TRIM14: variants seen among roughly 807,000 people sequenced by gnomAD.
The protein encoded by TRIM14 is tripartite motif containing 14.
TRIM14 carries 28 observed loss-of-function variants against 44.5 expected under a neutral mutation model. That is an observed-to-expected ratio of 0.63 (90% CI 0.47 to 0.86). TRIM14 has a LOEUF of 0.86. Ranked by LOEUF, TRIM14 falls within the 40% of genes least tolerant of loss-of-function variation. The pLI, the probability that TRIM14 is intolerant of heterozygous loss-of-function variation, is 0.00. For missense variants in TRIM14, 607 were observed against 611.1 expected (o/e 0.99, Z 0.07); for synonymous variants, 299 against 269.2 (o/e 1.11, Z -1.08).
At chr9:98,046,797 C>G in the TRIM14 span, among the ~76,000 whole-genome samples, 1 of 152,044 alleles carries the variant, frequency 6.6e-6, no homozygotes, top group Non-Finnish European at 1.5e-5. Context: ...TTACAAAAGG[C>G]AAATAAAAAG....
At chr9:98,036,415 C>T in the TRIM14 span, among the ~76,000 whole-genome samples, 3 of 147,574 alleles carry the variant, frequency 2.0e-5, no homozygotes, top group Admixed American at 7.1e-5. Flanking sequence ...GCAGGAGAAT[C>T]GCAGGAATCT....
At chr9:98,109,834 G>T (rs1203804178) in intron 2 of TRIM14, 55 bp downstream of exon 2, 1 of 1,464,788 alleles carries the variant, frequency 6.8e-7, no homozygotes, top group Non-Finnish European at 9.5e-7. Context: ...GGTCCCTTTT[G>T]TCTGGGGGGA....
At chr9:98,038,878 G>A in the TRIM14 span, among the ~76,000 whole-genome samples, 4 of 151,798 alleles carry the variant, frequency 2.6e-5, no homozygotes, top group East Asian at 1.9e-4. Flanking sequence ...GTGAAACCCC[G>A]CCTCTACTAA....
intron 1 of TRIM14, among the ~76,000 whole-genome samples, chr9:98,114,622 G>A (rs886225140): frequency 6.6e-6 from 1 of 151,994 alleles, no homozygotes; most frequent in African/African-American, 2.4e-5. Flanking sequence ...GCACCCAGCC[G>A]ACAATTTTTA....
chr9:98,057,922 GTTTTTTTT>G, the TRIM14 span, among the ~76,000 whole-genome samples: 2 of 78,086 alleles, frequency 2.6e-5, no homozygotes, highest in African/African-American at 1.1e-4. Flanking sequence ...TTTTTTCCTG[GTTTTTTTT>G]TTTTTTTTTT....
the TRIM14 span, among the ~76,000 whole-genome samples, chr9:98,045,883 T>C: frequency 6.6e-6 from 1 of 152,164 alleles, no homozygotes; most frequent in African/African-American, 2.4e-5. Flanking sequence ...ATTTGTGCTT[T>C]GAGCTCTCCG....
chr9:98,041,828 G>A, the TRIM14 span, among the ~76,000 whole-genome samples: 1 of 151,208 alleles, frequency 6.6e-6, no homozygotes, highest in Non-Finnish European at 1.5e-5. Flanking sequence ...GACTACAGGA[G>A]TCTGCCACCA....
chr9:98,041,494 T>TC, the TRIM14 span, among the ~76,000 whole-genome samples: 1 of 137,024 alleles, frequency 7.3e-6, no homozygotes, highest in Admixed American at 7.6e-5. Flanking sequence ...AATAAGGACA[T>TC]CTTTTTTTTT....
At chr9:98,102,790 C>T (rs1384396222) in intron 2 of TRIM14, among the ~76,000 whole-genome samples, 1 of 152,022 alleles carries the variant, frequency 6.6e-6, no homozygotes, top group African/African-American at 2.4e-5. Flanking sequence ...GAATATAATT[C>T]ATACCACTGA....
chr9:98,061,017 G>A, the TRIM14 span: 1 of 1,610,642 alleles, frequency 6.2e-7, no homozygotes, highest in Admixed American at 1.7e-5. Context: ...CTGCTGCTCT[G>A]TCATTTGTCA....
chr9:98,056,885 G>C, the TRIM14 span: 1 of 1,611,196 alleles, frequency 6.2e-7, no homozygotes, highest in Non-Finnish European at 8.5e-7. Context: ...GCCGAGATCG[G>C]CCAGAACCAC....
chr9:98,090,084 C>T (rs1192524121), intron 5 of TRIM14, among the ~76,000 whole-genome samples: 1 of 152,144 alleles, frequency 6.6e-6, no homozygotes, highest in Non-Finnish European at 1.5e-5. Flanking sequence ...TCATTATAAC[C>T]ACTTCTATTC....
rs201781485 is a variant in TRIM14 at position 98,101,912 on chromosome 9, GCTTGAGAATCA to G, written c.304-1759_304-1749del. Among the ~76,000 whole-genome samples the G allele has an allele frequency of 9.1e-3, 1,379 of 151,418 alleles. 19 individuals carry two copies. Among genetic ancestry groups the G allele is most frequent in the African/African-American group, 0.032 (1,305 of 41,174 alleles). On this transcript the variant is annotated intron_variant, in intron 2 of 5. Transcript: ENST00000341469. ...AATCCCAGCTACTTGGGAGGCTGAGGCTTGAGAATCACTTGAGCCCGGGAGGTGGAGCTTGC... is the reference window on the plus strand; with the variant it reads ...AATCCCAGCTACTTGGGAGGCTGAGGCTTGAGCCCGGGAGGTGGAGCTTGC...
intron 1 of TRIM14, among the ~76,000 whole-genome samples, chr9:98,112,445 A>G (rs1280965178): frequency 1.3e-5 from 2 of 152,222 alleles, no homozygotes; most frequent in African/African-American, 4.8e-5. Flanking sequence ...AGCAAATTCT[A>G]GAAGGTCTGT....
chr9:98,087,356 G>T lies in TRIM14; in HGVS notation c.*114C>A. On this transcript the variant is annotated 3_prime_UTR_variant, in exon 6 of 6. Coordinates refer to ENST00000341469, the MANE Select transcript of TRIM14 (RefSeq NM_014788.4). ...TGATTGGTCGGGGAAAGCTGGGGCA[G>T]GGAGAGGGCCCTAAGAAGCAGGCAG... The T allele has an allele frequency of 6.7e-7, 1 of 1,487,902 alleles. No individual in the cohort carries two copies. The highest frequency in any genetic ancestry group is 9.4e-7 in the Non-Finnish European group (1 of 1,065,742). 92.2% of individuals were successfully genotyped at this position (1,487,902 alleles called of 1,614,324 possible).
rs1299695308 is a variant in TRIM14, at chr9:98,085,573, TCC to T, written c.*1895_*1896del. The T allele has an allele frequency of 6.6e-6, 1 of 152,172 alleles. No homozygotes were observed. The highest frequency in any genetic ancestry group is 2.4e-5 in the African/African-American group (1 of 41,392). 9.4% of individuals were successfully genotyped at this position (152,172 alleles called of 1,614,324 possible). A position where few individuals can be genotyped will look rare whatever the true frequency, so the allele number is the denominator to read the frequency against. The stretch of plus-strand genomic sequence containing the variant: ...ATGTTGGGGTCAAGTGTATTCATCT[TCC>T]CTCTGTCAGGAACACCCTCTGCCTG... On this transcript the variant is annotated 3_prime_UTR_variant, in exon 6 of 6. Coordinates refer to ENST00000341469, the MANE Select transcript of TRIM14 (RefSeq NM_014788.4).
At chr9:98,110,196 T>C (rs776198362) in intron 1 of TRIM14, 167 of 553,974 alleles carry the variant, frequency 3.0e-4, no homozygotes, top group Non-Finnish European at 4.3e-4. Context: ...GGTATGCCTC[T>C]AATCTTGATT....
At position 98,087,749 on chromosome 9, in the gene TRIM14, C is replaced by G; in HGVS notation, c.1050G>C (p.Ser350=). 1 of 1,547,820 alleles carries G rather than the reference C, an allele frequency of 6.5e-7. No individual in the cohort carries two copies. The highest frequency in any genetic ancestry group is 8.6e-7 in the Non-Finnish European group (1 of 1,156,676). ...GGTTGCAGCCCAGGCGGGCGGCGGC[C>G]GAGGCCCCGCGGCGCCGAAGGGAGG... ...AYASLRRRGA[S]AAARLGCNRQ... Residue 350 remains serine (S), a synonymous_variant, in exon 6 of 6, where the codon TCG becomes TCC. Coordinates refer to ENST00000341469, the MANE Select transcript of TRIM14 (RefSeq NM_014788.4).
the TRIM14 span, among the ~76,000 whole-genome samples, chr9:98,045,598 C>G: frequency 6.6e-6 from 1 of 152,336 alleles, no homozygotes; most frequent in South Asian, 2.1e-4. Flanking sequence ...CACCACATGG[C>G]TGTGCTAGAG....
Sources: gnomAD v4.1 joint callset for allele counts (sites outside exome capture counted in the v4.1 genomes callset) on GRCh38, gnomAD v4.1.1 for gene constraint, MANE v1.5 for transcripts, NCBI Gene and HGNC (gene_info 2026-07-23, HGNC 2026-07-21) for gene names.